RIOK1: variants seen among roughly 807,000 people sequenced by gnomAD.
The protein encoded by RIOK1 is RIO kinase 1, also known as serine/threonine-protein kinase RIO1.
RIOK1 carries 66 observed loss-of-function variants against 73.5 expected under a neutral mutation model. That is an observed-to-expected ratio of 0.90 (90% CI 0.74 to 1.10). RIOK1 has a LOEUF of 1.10. Among genes scored for constraint, RIOK1 ranks in the 50% least tolerant of loss-of-function variants. The pLI, the probability that RIOK1 is intolerant of heterozygous loss-of-function variation, is 0.00. For synonymous variants in RIOK1, 224 were observed against 226.8 expected, an observed-to-expected ratio of 0.99 and a Z score of 0.11; for missense variants, 658 against 699.8, an observed-to-expected ratio of 0.94 and a Z score of 0.67.
In RIOK1 at chr6:7,401,000, A is replaced by G; in HGVS notation, c.523A>G (p.Thr175Ala). ...RTRMILFKML[T>A]RGIITEINGC... Reference sequence around the variant, plus strand: ...AAGAATGATTTTATTCAAGATGTTGACTAGAGGAATCATAACAGAGATAAA... The same window carrying G: ...AAGAATGATTTTATTCAAGATGTTGGCTAGAGGAATCATAACAGAGATAAA... Residue 175 changes from threonine (T) to alanine (A), a missense_variant, in exon 6 of 17, where the codon ACT becomes GCT. Thr to Ala is a moderately conservative substitution (Grantham distance 58). Transcript: ENST00000379834. 6.2e-7 allele frequency: 1 copy of G among 1,611,972 alleles called. No homozygotes were observed. The highest frequency in any genetic ancestry group is 1.1e-5 in the South Asian group (1 of 90,744).
At chr6:7,398,183 T>C (rs1036859123) in intron 4 of RIOK1, among the ~76,000 whole-genome samples, 1 of 152,024 alleles carries the variant, frequency 6.6e-6, no homozygotes. Context: ...ACTTGTATCT[T>C]CTTAGAAAAT....
chr6:7,393,877 G>A (rs935711771), intron 2 of RIOK1, among the ~76,000 whole-genome samples: 20 of 152,192 alleles, frequency 1.3e-4, no homozygotes, highest in Non-Finnish European at 2.6e-4. Context: ...AACCTTGAAC[G>A]GGATTAAACC....
At chr6:7,401,130 A>C in intron 6 of RIOK1, 80 bp downstream of exon 6, 2 of 884,624 alleles carry the variant, frequency 2.3e-6, no homozygotes, top group Non-Finnish European at 3.6e-6. Context: ...GAACTACATT[A>C]TGCCTTTAAG....
chr6:7,410,410 A>T lies in RIOK1; in HGVS notation c.1228A>T (p.Thr410Ser), dbSNP rs541475091. ...GGCCATGGAAATAGCATCTCAAAGGACCAAGGAAGAACGGTCTAGCCAAGA... is the reference window on the plus strand; with the variant it reads ...GGCCATGGAAATAGCATCTCAAAGGTCCAAGGAAGAACGGTCTAGCCAAGA... ...SKAMEIASQRTKEERSSQDHV... is the reference protein window; with the variant it reads ...SKAMEIASQRSKEERSSQDHV... Residue 410 changes from threonine (T) to serine (S), a missense_variant, in exon 13 of 17, where the codon ACC becomes TCC. Transcript: ENST00000379834. The T allele has an allele frequency of 1.9e-5, 31 of 1,613,090 alleles. 1 individual carries two copies. The South Asian group carries it at 3.4e-4, about 18-fold the overall frequency.
intron 2 of RIOK1, among the ~76,000 whole-genome samples, chr6:7,394,421 G>A (rs1366258463): frequency 6.6e-6 from 1 of 152,198 alleles, no homozygotes; most frequent in Non-Finnish European, 1.5e-5. Context: ...GCAACAGAGC[G>A]AGACTCTGTC....
At chr6:7,415,859 C>G (rs1223626056) in intron 16 of RIOK1, among the ~76,000 whole-genome samples, 2 of 152,180 alleles carry the variant, frequency 1.3e-5, no homozygotes, top group Non-Finnish European at 2.9e-5. Flanking sequence ...AGACCACATT[C>G]AAATAACTTT....
intron 4 of RIOK1, among the ~76,000 whole-genome samples, chr6:7,398,227 TCTA>T (rs1298956875): frequency 1.3e-5 from 2 of 151,906 alleles, no homozygotes; most frequent in African/African-American, 2.4e-5. Flanking sequence ...AATGACTAAC[TCTA>T]TGTGGAGGCT....
chr6:7,400,506 A>T (rs1238042803), intron 5 of RIOK1, among the ~76,000 whole-genome samples: 1 of 152,200 alleles, frequency 6.6e-6, no homozygotes. Flanking sequence ...AAAAACAAGG[A>T]TTATCTCACT....
At chr6:7,400,894 G>C (rs1761595305) in intron 5 of RIOK1, 64 bp from the exon 6 acceptor site, 1 of 932,720 alleles carries the variant, frequency 1.1e-6, no homozygotes, top group Admixed American at 1.9e-5. Flanking sequence ...GATTGTCACA[G>C]GTTTTAATGA....
chr6:7,406,610 C>T (rs1298022978), intron 12 of RIOK1, among the ~76,000 whole-genome samples: 1 of 152,164 alleles, frequency 6.6e-6, no homozygotes, highest in African/African-American at 2.4e-5. Flanking sequence ...GCTTATTTCA[C>T]TTAGTATGAT....
chr6:7,401,689 CTTTTT>C (rs35177259), intron 6 of RIOK1, among the ~76,000 whole-genome samples: 1 of 109,264 alleles, frequency 9.2e-6, no homozygotes, highest in Non-Finnish European at 1.8e-5. Context: ...TAAACAGAGT[CTTTTT>C]TTTTTTTTTT....
chr6:7,414,630 C>T (rs1415128769), intron 16 of RIOK1, among the ~76,000 whole-genome samples: 1 of 152,178 alleles, frequency 6.6e-6, no homozygotes, highest in Non-Finnish European at 1.5e-5. Flanking sequence ...AAATTCAGTA[C>T]ATTTCACATG....
intron 5 of RIOK1, among the ~76,000 whole-genome samples, chr6:7,400,205 G>C (rs1418011602): frequency 6.6e-6 from 1 of 152,206 alleles, no homozygotes; most frequent in Admixed American, 6.5e-5. Flanking sequence ...GCAGGGGTCT[G>C]CAGACTCTTG....
At chr6:7,406,121 C>T (rs943722243) in intron 12 of RIOK1, among the ~76,000 whole-genome samples, 10 of 151,874 alleles carry the variant, frequency 6.6e-5, no homozygotes, top group Non-Finnish European at 1.3e-4. Flanking sequence ...GCTCAGTCTC[C>T]GAGTAGCTAG....
chr6:7,405,067 G>C (rs371510338), intron 11 of RIOK1, 46 bp downstream of exon 11: 14 of 1,499,112 alleles, frequency 9.3e-6, no homozygotes, highest in Non-Finnish European at 9.2e-7. Context: ...GGTCTGTTTT[G>C]GTTTTGTACT....
rs6597266 is a variant in RIOK1, at chr6:7,389,844, C to T, written c.-159C>T. 0.35 allele frequency: 218,772 copies of T among 618,138 alleles called. 39,674 individuals carry two copies. Among genetic ancestry groups the T allele is most frequent in the African/African-American group, 0.46 (24,671 of 53,876 alleles). The allele number at this position is 618,138 out of a possible 1,614,324, so 38.3% of individuals were successfully genotyped here. A position where few individuals can be genotyped will look rare whatever the true frequency, so the allele number is the denominator to read the frequency against. ...TGGGGTGGCAGGGTGGTGGATCTGT[C>T]GGTCCCGTTTTCCCGTCGCACGTGG... On this transcript the variant is annotated 5_prime_UTR_variant, in exon 1 of 17. Coordinates refer to ENST00000379834, the MANE Select transcript of RIOK1 (RefSeq NM_031480.3).
At chr6:7,405,060 C>T (rs1386076629) in intron 11 of RIOK1, 39 bp downstream of exon 11, 1 of 1,540,138 alleles carries the variant, frequency 6.5e-7, no homozygotes, top group African/African-American at 1.4e-5. Flanking sequence ...GCTCATTGGT[C>T]TGTTTTGGTT....
rs1475326744 is a variant in RIOK1, at chr6:7,408,130, G to A, written c.1204-2256G>A. On this transcript the variant is annotated intron_variant, in intron 12 of 16. Transcript: ENST00000379834. ...CAGCTCACTGTAACCTCCACCTCCT[G>A]GATTCAAGTGATTCTCCCACCTCAG... Among the ~76,000 whole-genome samples, 11 of 152,134 alleles carry A rather than the reference G, an allele frequency of 7.2e-5. No individual in the cohort carries two copies. The East Asian group carries it at 1.9e-3, about 27-fold the overall frequency.
At position 7,417,372 on chromosome 6, in the gene RIOK1, A is replaced by G. The variant is rs1377572033; in HGVS notation, c.1638A>G (p.Arg546=). The G allele has an allele frequency of 2.2e-5, 35 of 1,567,070 alleles. No homozygotes were observed. Among genetic ancestry groups the G allele is most frequent in the Middle Eastern group, 1.7e-4 (1 of 5,990 alleles). Residue 546 remains arginine, a synonymous_variant, in exon 17 of 17, where the codon AGA becomes AGG. Transcript: ENST00000379834. ...KMVKEAQREK[R]KNKIPKHVKK... ...TCAAGGAAGCCCAGAGAGAGAAAAG[A>G]AAAAACAAAATTCCTAAACATGTGA...
Sources: gnomAD v4.1 joint callset for allele counts (sites outside exome capture counted in the v4.1 genomes callset) on GRCh38, gnomAD v4.1.1 for gene constraint, MANE v1.5 for transcripts, NCBI Gene and HGNC (gene_info 2026-07-23, HGNC 2026-07-21) for gene names.